Variants in TGFB2 observed in about 807,000 individuals in gnomAD.
The protein encoded by TGFB2 is transforming growth factor beta-2 proprotein.
In TGFB2, 13 loss-of-function variants were observed where a neutral mutation model predicts 42.7. That is an observed-to-expected ratio of 0.30 (90% CI 0.20 to 0.48). The LOEUF (loss-of-function observed/expected upper bound fraction) is 0.48, where lower values mean the gene tolerates loss of function less well. Ranked by LOEUF, TGFB2 falls within the 20% of genes least tolerant of loss-of-function variation. TGFB2 has a pLI of 0.99. For missense variants in TGFB2, 390 were observed against 517.5 expected (o/e 0.75, Z 2.39); for synonymous variants, 193 against 193.6 (o/e 1.00, Z 0.03).
chr1:218,371,786 C>A lies in TGFB2; in HGVS notation c.346+24739C>A, dbSNP rs764185150. Among the ~76,000 whole-genome samples, 134 of 152,336 alleles carry A rather than the reference C, an allele frequency of 8.8e-4. 1 individual carries two copies. Among genetic ancestry groups the A allele is most frequent in the Non-Finnish European group, 1.4e-3 (96 of 68,026 alleles). ...ATGTTTAGCTGTTTGCCAGAAGGAG[C>A]ATGGCTTTCCTGTTTCTTATCTGTC... On this transcript the variant is annotated intron_variant, in intron 1 of 6. Coordinates refer to ENST00000366930, the MANE Select transcript of TGFB2 (RefSeq NM_003238.6).
At chr1:218,371,739 G>A (rs573996625) in intron 1 of TGFB2, among the ~76,000 whole-genome samples, 2 of 152,326 alleles carry the variant, frequency 1.3e-5, no homozygotes, top group African/African-American at 2.4e-5. Context: ...GAATTCAGGC[G>A]AGTTTCCATG....
At chr1:218,425,216 G>GT (rs1427080522) in intron 2 of TGFB2, among the ~76,000 whole-genome samples, 2 of 151,970 alleles carry the variant, frequency 1.3e-5, no homozygotes, top group Non-Finnish European at 2.9e-5. Flanking sequence ...GTTTGTTTTT[G>GT]TTTTTTATTT....
In TGFB2 at chr1:218,441,495, G is replaced by A; in HGVS notation, c.*133G>A. ...TCAGTGTTAAAAAATTTTTGAAAAG[G>A]CGGTACTAGTTCAGACACTTTGGAA... On this transcript the variant is annotated 3_prime_UTR_variant, in exon 7 of 7. Transcript: ENST00000366930. 3.3e-6 allele frequency: 3 copies of A among 912,584 alleles called. No individual in the cohort carries two copies. Among genetic ancestry groups the A allele is most frequent in the Non-Finnish European group, 4.7e-6 (3 of 636,512 alleles). The allele number at this position is 912,584 out of a possible 1,614,324, so 56.5% of individuals were successfully genotyped here.
Position 218,442,146 on chromosome 1 carries a change from G to A in TGFB2, c.*784G>A, listed in dbSNP as rs541258443. ...AGAAACTTTCAGTCAGAATAAGTCT[G>A]TAAGTTTTTTTTTTTCTTTTTAATT... On this transcript the variant is annotated 3_prime_UTR_variant, in exon 7 of 7. Coordinates refer to ENST00000366930, the MANE Select transcript of TGFB2 (RefSeq NM_003238.6). The A allele has an allele frequency of 6.6e-6, 1 of 151,472 alleles. No individual in the cohort carries two copies. The highest frequency in any genetic ancestry group is 6.6e-5 in the Admixed American group (1 of 15,256). The allele number at this position is 151,472 out of a possible 1,614,324, so 9.4% of individuals were successfully genotyped here.
intron 2 of TGFB2, among the ~76,000 whole-genome samples, chr1:218,412,983 T>C (rs1016795401): frequency 6.6e-6 from 1 of 152,182 alleles, no homozygotes; most frequent in Non-Finnish European, 1.5e-5. Flanking sequence ...GTCTCAGGTG[T>C]CTCCATGTGG....
chr1:218,363,802 T>C (rs1657295925), intron 1 of TGFB2, among the ~76,000 whole-genome samples: 1 of 152,176 alleles, frequency 6.6e-6, no homozygotes, highest in African/African-American at 2.4e-5. Context: ...TTTGTATCTA[T>C]GTTCTTGTTC....
chr1:218,373,880 C>G lies in TGFB2; in HGVS notation c.346+26833C>G, dbSNP rs531162950. Among the ~76,000 whole-genome samples, 8 of 152,040 alleles carry G rather than the reference C, an allele frequency of 5.3e-5. No individual in the cohort carries two copies. The South Asian group carries it at 1.7e-3, about 32-fold the overall frequency. On this transcript the variant is annotated intron_variant, in intron 1 of 6. Transcript: ENST00000366930. The stretch of plus-strand genomic sequence containing the variant: ...TTTCTCTTAAATGCAGTATTTTTTT[C>G]CTAAGAACCTGTGAAAGTTCAAGGC...
At chr1:218,379,183 A>C (rs1657866761) in intron 1 of TGFB2, among the ~76,000 whole-genome samples, 1 of 141,514 alleles carries the variant, frequency 7.1e-6, no homozygotes, top group Admixed American at 7.6e-5. Flanking sequence ...CCCAGGCTGG[A>C]GTGCAGTGGT....
At chr1:218,370,331 T>G (rs968144231) in intron 1 of TGFB2, among the ~76,000 whole-genome samples, 4 of 152,202 alleles carry the variant, frequency 2.6e-5, no homozygotes, top group African/African-American at 9.7e-5. Flanking sequence ...ATTTGCCCCT[T>G]CATGTAATTT....
intron 1 of TGFB2, among the ~76,000 whole-genome samples, chr1:218,371,866 C>T (rs961719749): frequency 1.3e-5 from 2 of 152,140 alleles, no homozygotes; most frequent in African/African-American, 4.8e-5. Flanking sequence ...TCCCTAGAAC[C>T]CCATCTATAA....
At chr1:218,369,010 A>G (rs1045191614) in intron 1 of TGFB2, among the ~76,000 whole-genome samples, 4 of 152,006 alleles carry the variant, frequency 2.6e-5, no homozygotes, top group African/African-American at 9.7e-5. Context: ...TAATCCCACC[A>G]CTTTGGGAGG....
intron 1 of TGFB2, among the ~76,000 whole-genome samples, chr1:218,363,975 A>T (rs1238258209): frequency 6.6e-6 from 1 of 152,174 alleles, no homozygotes; most frequent in Admixed American, 6.5e-5. Flanking sequence ...AAATTTTCTT[A>T]AAAAATTATG....
chr1:218,426,909 C>A (rs912103033), intron 2 of TGFB2, among the ~76,000 whole-genome samples: 25 of 152,154 alleles, frequency 1.6e-4, no homozygotes, highest in African/African-American at 6.0e-4. Context: ...TGCCAATTAC[C>A]AATCCATGTC....
At chr1:218,432,714 T>C (rs1188292742) in intron 2 of TGFB2, among the ~76,000 whole-genome samples, 1 of 152,180 alleles carries the variant, frequency 6.6e-6, no homozygotes, top group Non-Finnish European at 1.5e-5. Context: ...TGAAACGATA[T>C]CAAATTGAAG....
At chr1:218,379,193 T>A (rs144784743) in intron 1 of TGFB2, among the ~76,000 whole-genome samples, 1 of 149,576 alleles carries the variant, frequency 6.7e-6, no homozygotes, top group Admixed American at 6.7e-5. Context: ...AGTGCAGTGG[T>A]GCGATCTCGG....
At chr1:218,383,367 A>G (rs571122008) in intron 1 of TGFB2, among the ~76,000 whole-genome samples, 4 of 151,842 alleles carry the variant, frequency 2.6e-5, no homozygotes, top group Non-Finnish European at 5.9e-5. Context: ...AAAGCTGGAA[A>G]GCATGTGTCC....
intron 2 of TGFB2, among the ~76,000 whole-genome samples, chr1:218,406,141 G>C (rs984883528): frequency 1.3e-5 from 2 of 148,936 alleles, no homozygotes; most frequent in Admixed American, 1.3e-4. Flanking sequence ...ACTTTATCCC[G>C]TTTCCTTTTC....
At chr1:218,377,329 A>ATATC (rs1657776316) in intron 1 of TGFB2, among the ~76,000 whole-genome samples, 1 of 152,234 alleles carries the variant, frequency 6.6e-6, no homozygotes, top group Non-Finnish European at 1.5e-5. Flanking sequence ...CAAAACATAG[A>ATATC]TATCTATGTT....
At chr1:218,423,678 G>A (rs1374152117) in intron 2 of TGFB2, among the ~76,000 whole-genome samples, 1 of 152,130 alleles carries the variant, frequency 6.6e-6, no homozygotes, top group African/African-American at 2.4e-5. Context: ...TGATAGGTTG[G>A]TGGCCAGTTG....
Sources: allele counts gnomAD v4.1 joint callset (sites outside exome capture counted in the v4.1 genomes callset), GRCh38; gene constraint gnomAD v4.1.1; transcripts MANE v1.5; gene names NCBI Gene and HGNC (gene_info 2026-07-23, HGNC 2026-07-21).